Variants in ENPP3 observed in about 807,000 individuals in gnomAD.
The protein encoded by ENPP3 is ectonucleotide pyrophosphatase/phosphodiesterase family member 3.
In ENPP3, 104 loss-of-function variants were observed where a neutral mutation model predicts 117.8. The observed-to-expected ratio is 0.88, with a 90% confidence interval of 0.75 to 1.04. The LOEUF (loss-of-function observed/expected upper bound fraction) is 1.04, where lower values mean the gene tolerates loss of function less well. Ranked by LOEUF, ENPP3 falls within the 50% of genes least tolerant of loss-of-function variation. The pLI is 0.00. For synonymous variants in ENPP3, 380 were observed against 349.9 expected (o/e 1.09, Z -0.96); for missense variants, 1,026 against 1,051.9 (o/e 0.98, Z 0.34).
chr6:131,637,553 T>A, intron 1 of ENPP3, 91 bp downstream of exon 1: 1 of 692,764 alleles, frequency 1.4e-6, no homozygotes, highest in Non-Finnish European at 2.3e-6. Context: ...GTGTTGCTAT[T>A]AAAATGTAAA....
intron 11 of ENPP3, among the ~76,000 whole-genome samples, chr6:131,678,907 C>CTCTTTCTTTCTTTCTTTCTTTCTTTCTT (rs60304793): frequency 1.4e-4 from 10 of 71,760 alleles, no homozygotes; most frequent in East Asian, 1.1e-3. Flanking sequence ...CTTTCTTTCT[C>CTCTTTCTTTCTTTCTTTCTTTCTTTCTT]TCTTTCTTTC....
At chr6:131,639,671 C>T (rs545125590) in intron 1 of ENPP3, among the ~76,000 whole-genome samples, 2 of 152,054 alleles carry the variant, frequency 1.3e-5, no homozygotes, top group South Asian at 4.2e-4. Flanking sequence ...TTTGTTTAGC[C>T]CAGTTAAAGC....
At chr6:131,681,582 A>T (rs1468207696) in intron 11 of ENPP3, among the ~76,000 whole-genome samples, 1 of 152,190 alleles carries the variant, frequency 6.6e-6, no homozygotes, top group East Asian at 1.9e-4. Flanking sequence ...GATTATATTC[A>T]TAAAGTGTAG....
intron 6 of ENPP3, among the ~76,000 whole-genome samples, chr6:131,667,363 C>T (rs1021961998): frequency 2.0e-5 from 3 of 152,082 alleles, no homozygotes; most frequent in Admixed American, 6.5e-5. Flanking sequence ...ACTCTTCCTC[C>T]CCTGGGAGAA....
At chr6:131,652,980 C>T in intron 5 of ENPP3, 89 bp downstream of exon 5, 1 of 855,054 alleles carries the variant, frequency 1.2e-6, no homozygotes, top group South Asian at 1.5e-5. Flanking sequence ...GAGGAATTTC[C>T]CCCAATTCAT....
intron 20 of ENPP3, among the ~76,000 whole-genome samples, chr6:131,730,438 G>A (rs1280431195): frequency 1.3e-5 from 2 of 152,154 alleles, no homozygotes; most frequent in African/African-American, 2.4e-5. Context: ...TAGCACAAAC[G>A]TCTTCGTATT....
chr6:131,738,786 A>T (rs1780458824), intron 23 of ENPP3, among the ~76,000 whole-genome samples: 1 of 152,178 alleles, frequency 6.6e-6, no homozygotes, highest in African/African-American at 2.4e-5. Flanking sequence ...ATCAAAACAT[A>T]TGAAGGACCA....
intron 15 of ENPP3, among the ~76,000 whole-genome samples, chr6:131,695,915 C>G (rs1779394681): frequency 6.9e-6 from 1 of 145,864 alleles, no homozygotes. Flanking sequence ...GACTCTGTCT[C>G]AAAAAAAAAA....
chr6:131,654,280 T>C lies in ENPP3; in HGVS notation c.464+1389T>C, dbSNP rs1585622584. Among the ~76,000 whole-genome samples, 3 of 151,972 alleles carry C rather than the reference T, an allele frequency of 2.0e-5. No homozygotes were observed. The East Asian group carries it at 5.8e-4, about 29-fold the overall frequency. ...TCGTAAGTATTTGAGACTACAGGCATGGGCCACCACATGCAGCTAAACATT... is the reference window on the plus strand; with the variant it reads ...TCGTAAGTATTTGAGACTACAGGCACGGGCCACCACATGCAGCTAAACATT... On this transcript the variant is annotated intron_variant, in intron 5 of 24. Coordinates refer to ENST00000357639, the MANE Select transcript of ENPP3 (RefSeq NM_005021.5).
chr6:131,652,487 G>A, intron 3 of ENPP3, 55 bp from the exon 4 acceptor site: 1 of 1,542,220 alleles, frequency 6.5e-7, no homozygotes, highest in East Asian at 2.3e-5. Flanking sequence ...AATGAAATTT[G>A]TATATTTTAT....
intron 20 of ENPP3, among the ~76,000 whole-genome samples, chr6:131,730,167 C>T (rs185064018): frequency 5.3e-5 from 8 of 152,178 alleles, no homozygotes; most frequent in East Asian, 1.9e-4. Flanking sequence ...TTGAGTACAA[C>T]GATAAAGATG....
At chr6:131,655,330 T>C (rs1313091389) in intron 5 of ENPP3, among the ~76,000 whole-genome samples, 1 of 152,216 alleles carries the variant, frequency 6.6e-6, no homozygotes, top group Admixed American at 6.5e-5. Flanking sequence ...TTAGTCCTTA[T>C]AAAAACCCTT....
At chr6:131,744,802 TACACACACACACACAC>T (rs72401502) in intron 24 of ENPP3, among the ~76,000 whole-genome samples, 1 of 146,766 alleles carries the variant, frequency 6.8e-6, no homozygotes, top group Non-Finnish European at 1.5e-5. Flanking sequence ...AGGTCATTTA[TACACACACACACACAC>T]ACACACACAC....
intron 5 of ENPP3, among the ~76,000 whole-genome samples, chr6:131,656,449 G>T (rs1247395440): frequency 6.6e-6 from 1 of 152,144 alleles, no homozygotes; most frequent in Non-Finnish European, 1.5e-5. Flanking sequence ...GGAAAGAATT[G>T]TGGCAATATT....
chr6:131,651,939 G>A (rs779102448), intron 3 of ENPP3, among the ~76,000 whole-genome samples: 6 of 152,124 alleles, frequency 3.9e-5, no homozygotes, highest in Non-Finnish European at 5.9e-5. Flanking sequence ...CTGTTTCCTG[G>A]CAGGTGGCAG....
At chr6:131,647,447 G>C (rs376729788) in intron 2 of ENPP3, among the ~76,000 whole-genome samples, 1 of 151,972 alleles carries the variant, frequency 6.6e-6, no homozygotes, top group East Asian at 1.9e-4. Flanking sequence ...ATAGATCTTT[G>C]TATGTTTCTT....
chr6:131,715,412 C>T (rs1779867095), intron 15 of ENPP3, among the ~76,000 whole-genome samples: 1 of 133,396 alleles, frequency 7.5e-6, no homozygotes, highest in African/African-American at 3.7e-5. Context: ...GGGACCATCT[C>T]CACTTCATGC....
intron 3 of ENPP3, among the ~76,000 whole-genome samples, chr6:131,650,677 C>T (rs1014564049): frequency 6.6e-6 from 1 of 152,128 alleles, no homozygotes; most frequent in South Asian, 2.1e-4. Context: ...AGGGTTGGGT[C>T]CTCCTGAAGA....
chr6:131,710,759 C>T lies in ENPP3; in HGVS notation c.1413-7913C>T, dbSNP rs1372762439. 2.5e-6 allele frequency: 4 copies of T among 1,612,604 alleles called. No homozygotes were observed. The highest frequency in any genetic ancestry group is 3.4e-6 in the Non-Finnish European group (4 of 1,179,798). The stretch of plus-strand genomic sequence containing the variant: ...TTTTCAAGTAGTTTACATTTTTCTT[C>T]AATTAGTCCAGAAAGCGTTGCACCA... On this transcript the variant is annotated intron_variant, in intron 15 of 24. Transcript: ENST00000357639.
Sources: gnomAD v4.1 joint callset for allele counts (sites outside exome capture counted in the v4.1 genomes callset) on GRCh38, gnomAD v4.1.1 for gene constraint, MANE v1.5 for transcripts, NCBI Gene and HGNC (gene_info 2026-07-23, HGNC 2026-07-21) for gene names.